Variants in SLC9A9 observed in about 807,000 individuals in gnomAD.
SLC9A9 encodes solute carrier family 9 member A9.
SLC9A9 carries 62 observed loss-of-function variants against 77.8 expected under a neutral mutation model. The ratio of observed to expected loss-of-function variants is 0.80; its 90% CI spans 0.65 to 0.98. The LOEUF (loss-of-function observed/expected upper bound fraction) is 0.98. SLC9A9 is among the 50% of genes least tolerant of loss of function. The probability of loss-of-function intolerance (pLI) is 0.00; values close to 1 mark genes in which losing one functional copy is unlikely to be tolerated. For synonymous variants in SLC9A9, 320 were observed against 283.5 expected (o/e 1.13, Z -1.29); for missense variants, 775 against 774.9 (o/e 1.00, Z 0.00).
intron 4 of SLC9A9, among the ~76,000 whole-genome samples, chr3:143,706,425 T>G (rs1249988105): frequency 6.6e-6 from 1 of 152,128 alleles, no homozygotes; most frequent in Non-Finnish European, 1.5e-5. Flanking sequence ...CTCACAATAA[T>G]ACTTCATCCA....
At chr3:143,301,257 T>C (rs1326620733) in intron 14 of SLC9A9, among the ~76,000 whole-genome samples, 3 of 152,248 alleles carry the variant, frequency 2.0e-5, no homozygotes, top group South Asian at 4.1e-4. Context: ...ATGCATACTT[T>C]GTAAGTCTTG....
At chr3:143,544,449 G>A (rs1397460217) in intron 9 of SLC9A9, among the ~76,000 whole-genome samples, 1 of 152,010 alleles carries the variant, frequency 6.6e-6, no homozygotes, top group Non-Finnish European at 1.5e-5. Context: ...GGATGGTCTC[G>A]ATCTCCTGAC....
intron 5 of SLC9A9, among the ~76,000 whole-genome samples, chr3:143,683,308 C>G (rs548298280): frequency 3.7e-4 from 56 of 152,232 alleles, no homozygotes; most frequent in African/African-American, 1.3e-3. Flanking sequence ...TCAGGACTCT[C>G]TGAAGCTAAC....
At chr3:143,578,771 G>A in intron 6 of SLC9A9, 48 bp from the exon 7 acceptor site, 1 of 1,611,558 alleles carries the variant, frequency 6.2e-7, no homozygotes, top group Non-Finnish European at 8.5e-7. Flanking sequence ...TCATCTCATA[G>A]CCCAGATAGG....
intron 14 of SLC9A9, among the ~76,000 whole-genome samples, chr3:143,296,978 C>CT (rs1479842066): frequency 6.6e-6 from 1 of 152,124 alleles, no homozygotes; most frequent in Non-Finnish European, 1.5e-5. Context: ...TACAGGTTGT[C>CT]TTTTCCCTCT....
intron 14 of SLC9A9, among the ~76,000 whole-genome samples, chr3:143,287,826 T>C (rs1458157959): frequency 6.6e-6 from 1 of 152,156 alleles, no homozygotes; most frequent in Non-Finnish European, 1.5e-5. Context: ...GCAAAGGGGA[T>C]TTTAGAGATT....
chr3:143,641,454 C>T (rs1264650543), intron 6 of SLC9A9, among the ~76,000 whole-genome samples: 5 of 122,932 alleles, frequency 4.1e-5, no homozygotes, highest in East Asian at 2.8e-4. Flanking sequence ...AGTGCAGTGG[C>T]GCAATCTTGA....
At chr3:143,390,840 G>GCCT (rs2033545796) in intron 12 of SLC9A9, among the ~76,000 whole-genome samples, 1 of 152,206 alleles carries the variant, frequency 6.6e-6, no homozygotes, top group African/African-American at 2.4e-5. Flanking sequence ...CACCCACAGA[G>GCCT]CCTCACTCAT....
chr3:143,500,088 T>A (rs1281659867), intron 9 of SLC9A9, among the ~76,000 whole-genome samples: 2 of 152,210 alleles, frequency 1.3e-5, no homozygotes, highest in African/African-American at 4.8e-5. Context: ...CTTCCTTAAA[T>A]GCTTAGGAAA....
chr3:143,359,925 C>T (rs1044335398), intron 14 of SLC9A9, among the ~76,000 whole-genome samples: 1 of 152,158 alleles, frequency 6.6e-6, no homozygotes, highest in Non-Finnish European at 1.5e-5. Context: ...TGTTATCACA[C>T]CGATATAGTA....
chr3:143,790,352 C>A (rs1441604361), intron 4 of SLC9A9, among the ~76,000 whole-genome samples: 1 of 152,194 alleles, frequency 6.6e-6, no homozygotes, highest in Non-Finnish European at 1.5e-5. Flanking sequence ...CTCCAACCAC[C>A]TTCAGTAAGA....
intron 14 of SLC9A9, among the ~76,000 whole-genome samples, chr3:143,360,090 T>C (rs993008604): frequency 6.6e-6 from 1 of 152,188 alleles, no homozygotes; most frequent in African/African-American, 2.4e-5. Flanking sequence ...ATAATCAAGT[T>C]TGTTTAGGTA....
In SLC9A9 at chr3:143,427,026, G is replaced by A. The variant is rs922541819; in HGVS notation, c.1469+40011C>T. Among the ~76,000 whole-genome samples the A allele has an allele frequency of 3.9e-5, 6 of 152,330 alleles. No individual in the cohort carries two copies. In the East Asian group the frequency reaches 5.8e-4, roughly 15 times the overall value. ...GTATCTACAAGGCATTATTGTGACT[G>A]TTAAAGCAAGGCCCAATCAATGTTT... On this transcript the variant is annotated intron_variant, in intron 12 of 15. Transcript: ENST00000316549.
chr3:143,372,123 C>T (rs1021446633), intron 13 of SLC9A9: 9 of 229,336 alleles, frequency 3.9e-5, no homozygotes, highest in African/African-American at 1.4e-4. Flanking sequence ...ATCAGTATCA[C>T]GAAAGTGATG....
Position 143,747,983 on chromosome 3 carries a change from C to G in SLC9A9, c.533+47018G>C, listed in dbSNP as rs186884266. 5.3e-5 allele frequency among the ~76,000 whole-genome samples: 8 copies of G among 152,248 alleles called. No homozygotes were observed. The East Asian group carries it at 1.5e-3, about 29-fold the overall frequency. On this transcript the variant is annotated intron_variant, in intron 4 of 15. Coordinates refer to ENST00000316549, the MANE Select transcript of SLC9A9 (RefSeq NM_173653.4). ...ATCTGCCCTGATGGTCCCAAGACTG[C>G]CCCTGTGTCTCCACGAACCCCTTTC...
chr3:143,693,893 GA>G (rs1933551817), intron 4 of SLC9A9, among the ~76,000 whole-genome samples: 1 of 152,068 alleles, frequency 6.6e-6, no homozygotes. Context: ...AATGAATACT[GA>G]AATAGTTGCA....
intron 13 of SLC9A9, among the ~76,000 whole-genome samples, chr3:143,364,140 G>C (rs1171168678): frequency 6.6e-6 from 1 of 151,892 alleles, no homozygotes; most frequent in African/African-American, 2.4e-5. Flanking sequence ...GGCCATAAAG[G>C]GTGAGAGGAT....
chr3:143,676,852 A>G (rs1178398964), intron 5 of SLC9A9, among the ~76,000 whole-genome samples: 5 of 152,238 alleles, frequency 3.3e-5, no homozygotes, highest in African/African-American at 7.2e-5. Flanking sequence ...GAAAGATCCT[A>G]GACTAGAGGT....
intron 4 of SLC9A9, among the ~76,000 whole-genome samples, chr3:143,716,248 A>G (rs993967574): frequency 1.3e-5 from 2 of 151,740 alleles, no homozygotes; most frequent in African/African-American, 4.8e-5. Flanking sequence ...CTCATTTTTT[A>G]TTATTTGTAG....
Sources: gnomAD v4.1 joint callset for allele counts (sites outside exome capture counted in the v4.1 genomes callset) on GRCh38, gnomAD v4.1.1 for gene constraint, MANE v1.5 for transcripts, NCBI Gene and HGNC (gene_info 2026-07-23, HGNC 2026-07-21) for gene names.